Variants in PCDHGA3 observed in about 807,000 individuals in gnomAD.
PCDHGA3 encodes the protein protocadherin gamma subfamily A, 3.
A neutral mutation model predicts 58.5 loss-of-function variants in PCDHGA3; 40 were observed. The ratio of observed to expected loss-of-function variants is 0.68; its 90% CI spans 0.53 to 0.89. PCDHGA3 has a LOEUF of 0.89. Among genes scored for constraint, PCDHGA3 ranks in the 40% least tolerant of loss-of-function variants. The pLI is 0.00. For synonymous variants in PCDHGA3, 530 were observed against 525.7 expected (o/e 1.01, Z -0.11); for missense variants, 1,223 against 1,195.9 (o/e 1.02, Z -0.33).
chr5:141,347,696 A>G (rs573107838), intron 1 of PCDHGA3, among the ~76,000 whole-genome samples: 1 of 152,166 alleles, frequency 6.6e-6, no homozygotes, highest in East Asian at 1.9e-4. Context: ...CTGAGGCAGA[A>G]GAATTGCTTA....
At position 141,398,826 on chromosome 5, in the gene PCDHGA3, C is replaced by T. The variant is rs755219133; in HGVS notation, c.2424+52369C>T. On this transcript the variant is annotated intron_variant, in intron 1 of 3. Coordinates refer to ENST00000253812, the MANE Select transcript of PCDHGA3 (RefSeq NM_018916.4). ...CCACTGAGCTCCGGATCCAGGTAACCGACGCCAATGATAATCCCCCGGTAT... is the reference window on the plus strand; with the variant it reads ...CCACTGAGCTCCGGATCCAGGTAACTGACGCCAATGATAATCCCCCGGTAT... 81 of 1,613,942 alleles carry T rather than the reference C, an allele frequency of 5.0e-5. 1 individual carries two copies. In the South Asian group the frequency reaches 7.7e-4, roughly 15 times the overall value.
Position 141,376,131 on chromosome 5 carries a change from A to T in PCDHGA3, c.2424+29674A>T, listed in dbSNP as rs200974904. ...CTGGGCAGCCTCGAGCCCTCCGCCA[A>T]ACCCAACGATTCGGACCTCACTCTG... On this transcript the variant is annotated intron_variant, in intron 1 of 3. Transcript: ENST00000253812. 6.9e-4 allele frequency: 1,114 copies of T among 1,613,772 alleles called. 8 individuals carry two copies. Among genetic ancestry groups the T allele is most frequent in the South Asian group, 4.3e-3 (393 of 91,038 alleles).
intron 1 of PCDHGA3, chr5:141,376,605 G>A (rs1772889995): frequency 1.2e-5 from 18 of 1,502,688 alleles, no homozygotes; most frequent in Middle Eastern, 3.5e-4. Flanking sequence ...TTATAGAAGC[G>A]AACCTCTTTT....
intron 1 of PCDHGA3, chr5:141,433,007 C>CT: frequency 6.2e-7 from 1 of 1,614,198 alleles, no homozygotes; most frequent in Non-Finnish European, 8.5e-7. Context: ...GCAGGCTTTC[C>CT]TGCAGACCTA....
intron 1 of PCDHGA3, chr5:141,351,944 G>A (rs995541250): frequency 6.2e-7 from 1 of 1,613,158 alleles, no homozygotes; most frequent in South Asian, 1.1e-5. Context: ...GCTGTACCCC[G>A]CGCTGGGGCC....
intron 1 of PCDHGA3, chr5:141,403,965 A>G: frequency 6.2e-7 from 1 of 1,613,864 alleles, no homozygotes; most frequent in Non-Finnish European, 8.5e-7. Flanking sequence ...ATTTCGGTGG[A>G]AGATGTAAAT....
chr5:141,351,854 G>A (rs775230901), intron 1 of PCDHGA3: 7 of 1,613,246 alleles, frequency 4.3e-6, no homozygotes, highest in Middle Eastern at 3.3e-4. Flanking sequence ...GCAGGCCAGG[G>A]ACCAGGGCTC....
intron 1 of PCDHGA3, chr5:141,423,252 C>T (rs2096724826): frequency 1.2e-6 from 2 of 1,613,802 alleles, no homozygotes; most frequent in South Asian, 2.2e-5. Context: ...TCCTGGCGGA[C>T]CTCGGCAGCC....
chr5:141,395,115 C>T (rs1380601635), intron 1 of PCDHGA3: 1 of 1,614,192 alleles, frequency 6.2e-7, no homozygotes. Context: ...GAAGAGTCAC[C>T]TGATCTTTCC....
chr5:141,360,387 A>G (rs1217376856), intron 1 of PCDHGA3: 1 of 1,613,944 alleles, frequency 6.2e-7, no homozygotes, highest in East Asian at 2.2e-5. Flanking sequence ...GCGGAGACTT[A>G]CTTGTGAGTG....
chr5:141,451,330 T>C (rs1335156581), intron 1 of PCDHGA3, among the ~76,000 whole-genome samples: 2 of 152,200 alleles, frequency 1.3e-5, no homozygotes, highest in East Asian at 1.9e-4. Context: ...CCTAAGGCTA[T>C]TGTCTTATCT....
At position 141,384,373 on chromosome 5, in the gene PCDHGA3, G is replaced by A. The variant is rs916805364; in HGVS notation, c.2424+37916G>A. 27 of 1,613,764 alleles carry A rather than the reference G, an allele frequency of 1.7e-5. No homozygotes were observed. The highest frequency in any genetic ancestry group is 2.1e-5 in the Non-Finnish European group (25 of 1,179,894). ...TAATGCCCAGATCACTTATTCCTTGGCCGAAGACACCATCCAGGGGGCTCC... is the reference window on the plus strand; with the variant it reads ...TAATGCCCAGATCACTTATTCCTTGACCGAAGACACCATCCAGGGGGCTCC... On this transcript the variant is annotated intron_variant, in intron 1 of 3. Coordinates refer to ENST00000253812, the MANE Select transcript of PCDHGA3 (RefSeq NM_018916.4).
rs962753490 is a variant in PCDHGA3, at chr5:141,345,822, G to T, written c.1789G>T (p.Asp597Tyr). Reference protein sequence around the residue: ...LVTKVVAVDRDSGQNAWLSYR... With the variant: ...LVTKVVAVDRYSGQNAWLSYR... The stretch of plus-strand genomic sequence containing the variant: ...GACCAAGGTGGTGGCGGTGGACAGA[G>T]ACTCGGGCCAGAACGCCTGGCTGTC... The change falls in exon 1 of 4, where the codon GAC (aspartate) becomes TAC (tyrosine). Residue 597 changes from aspartate (D) to tyrosine (Y), a missense_variant. Asp to Tyr is a radical substitution (Grantham distance 160). This residue lies in a region of PCDHGA3 where 107 missense variants were observed against 159.8 expected (regional missense o/e 0.67). Transcript: ENST00000253812. 1 of 1,613,726 alleles carries T rather than the reference G, an allele frequency of 6.2e-7. No homozygotes were observed. Among genetic ancestry groups the T allele is most frequent in the Non-Finnish European group, 8.5e-7 (1 of 1,180,008 alleles).
At position 141,476,033 on chromosome 5, in the gene PCDHGA3, C is replaced by T; in HGVS notation, c.2425-18774C>T. On this transcript the variant is annotated intron_variant, in intron 1 of 3. Transcript: ENST00000253812. The surrounding 1 kb of genome is among the most constrained non-coding windows in gnomAD (Gnocchi z 7.6). The stretch of plus-strand genomic sequence containing the variant: ...GCCATGTCGGACTCGGCGCCCAGCG[C>T]CCAAGCGCTAACCCGCTGAAAGTTT... 6.8e-7 allele frequency: 1 copy of T among 1,469,590 alleles called. No individual in the cohort carries two copies. Among genetic ancestry groups the T allele is most frequent in the Non-Finnish European group, 9.0e-7 (1 of 1,105,326 alleles). 91.0% of individuals were successfully genotyped at this position (1,469,590 alleles called of 1,614,324 possible). A position where few individuals can be genotyped will look rare whatever the true frequency, so the allele number is the denominator to read the frequency against.
chr5:141,476,053 A>G lies in PCDHGA3; in HGVS notation c.2425-18754A>G. 2 of 1,501,944 alleles carry G rather than the reference A, an allele frequency of 1.3e-6. No homozygotes were observed. Among genetic ancestry groups the G allele is most frequent in the Non-Finnish European group, 1.8e-6 (2 of 1,131,392 alleles). 93.0% of individuals were successfully genotyped at this position (1,501,944 alleles called of 1,614,324 possible). ...CAGCGCCCAAGCGCTAACCCGCTGA[A>G]AGTTTCTCAGCGAAATCTCAGGGAC... On this transcript the variant is annotated intron_variant, in intron 1 of 3. Coordinates refer to ENST00000253812, the MANE Select transcript of PCDHGA3 (RefSeq NM_018916.4). The surrounding 1 kb of genome is among the most constrained non-coding windows in gnomAD (Gnocchi z 7.6).
chr5:141,389,322 G>C lies in PCDHGA3; in HGVS notation c.2424+42865G>C, dbSNP rs752301649. ...AGTCAGGGCTTCTGATCCGGACTTG[G>C]GGCCCAACGGCCAAGTCTCTTACTG... On this transcript the variant is annotated intron_variant, in intron 1 of 3. Transcript: ENST00000253812. 2 of 1,613,984 alleles carry C rather than the reference G, an allele frequency of 1.2e-6. No homozygotes were observed. Among genetic ancestry groups the C allele is most frequent in the East Asian group, 2.2e-5 (1 of 44,880 alleles).
At chr5:141,405,499 A>C in intron 1 of PCDHGA3, 9 of 782,122 alleles carry the variant, frequency 1.2e-5, no homozygotes, top group Non-Finnish European at 1.8e-5. Context: ...GGCTCATTGC[A>C]ACCTCCGCCT....
chr5:141,502,402 A>T (rs1317862793), intron 2 of PCDHGA3, among the ~76,000 whole-genome samples: 1 of 151,976 alleles, frequency 6.6e-6, no homozygotes, highest in Admixed American at 6.6e-5. Flanking sequence ...AATGTCCCCG[A>T]ACCTGGATTT....
intron 1 of PCDHGA3, among the ~76,000 whole-genome samples, chr5:141,451,703 A>G (rs975120935): frequency 6.6e-6 from 1 of 152,144 alleles, no homozygotes; most frequent in Non-Finnish European, 1.5e-5. Flanking sequence ...GTAACATGAC[A>G]AAACCCTGCC....
Sources: gnomAD v4.1 joint callset for allele counts (sites outside exome capture counted in the v4.1 genomes callset) on GRCh38, gnomAD v4.1.1 for gene constraint, gnomAD v4.1.1 regional missense constraint, Gnocchi (gnomAD v3.1) non-coding constraint, MANE v1.5 for transcripts, NCBI Gene and HGNC (gene_info 2026-07-23, HGNC 2026-07-21) for gene names.